The following GRIK2 variants were observed in gnomAD, a reference collection of about 807,000 sequenced individuals.
The protein encoded by GRIK2 is glutamate ionotropic receptor kainate type subunit 2.
Under a neutral mutation model 100.3 loss-of-function variants are expected in GRIK2, and 32 were observed. That is an observed-to-expected ratio of 0.32 (90% CI 0.24 to 0.43). GRIK2 has a LOEUF of 0.43. Among genes scored for constraint, GRIK2 ranks in the 20% least tolerant of loss-of-function variants. The pLI, the probability that GRIK2 is intolerant of heterozygous loss-of-function variation, is 1.00. For missense variants in GRIK2, 843 were observed against 1,114.9 expected (o/e 0.76, Z 3.47); for synonymous variants, 417 against 389.4 (o/e 1.07, Z -0.83).
At chr6:101,858,548 A>G (rs776578284) in intron 10 of GRIK2, among the ~76,000 whole-genome samples, 84 of 145,276 alleles carry the variant, frequency 5.8e-4, no homozygotes, top group Non-Finnish European at 1.1e-3. Context: ...CACTACGCCC[A>G]GCTAATTTTT....
chr6:101,893,716 A>C (rs2128458853), intron 12 of GRIK2, among the ~76,000 whole-genome samples: 1 of 151,850 alleles, frequency 6.6e-6, no homozygotes, highest in East Asian at 1.9e-4. Context: ...ATAAAATATT[A>C]AACATTTATT....
intron 14 of GRIK2, among the ~76,000 whole-genome samples, chr6:102,029,423 A>T (rs1769869587): frequency 6.6e-6 from 1 of 151,288 alleles, no homozygotes; most frequent in Non-Finnish European, 1.5e-5. Context: ...CATATTCAAC[A>T]TAGAAATATT....
intron 10 of GRIK2, among the ~76,000 whole-genome samples, chr6:101,825,552 T>C (rs868267348): frequency 2.0e-4 from 31 of 152,070 alleles, no homozygotes; most frequent in Admixed American, 2.0e-4. Context: ...ACATTCTTTT[T>C]CCTTTGTCCT....
chr6:101,434,105 GA>G (rs1375116535), intron 2 of GRIK2, among the ~76,000 whole-genome samples: 1 of 152,204 alleles, frequency 6.6e-6, no homozygotes, highest in East Asian at 1.9e-4. Context: ...GGGTGTTTTA[GA>G]CACTAACGTG....
intron 10 of GRIK2, among the ~76,000 whole-genome samples, chr6:101,844,163 CTT>C (rs1783676967): frequency 6.6e-6 from 1 of 152,020 alleles, no homozygotes; most frequent in African/African-American, 2.4e-5. Flanking sequence ...AAAACATACT[CTT>C]AGAAAAAATG....
At chr6:101,446,923 G>A (rs1035999190) in intron 2 of GRIK2, among the ~76,000 whole-genome samples, 39 of 147,880 alleles carry the variant, frequency 2.6e-4, no homozygotes, top group Non-Finnish European at 3.6e-4. Flanking sequence ...TACTTTGTAC[G>A]TGTATATATA....
At chr6:101,777,719 T>C (rs1412869868) in intron 7 of GRIK2, among the ~76,000 whole-genome samples, 1 of 152,174 alleles carries the variant, frequency 6.6e-6, no homozygotes, top group Non-Finnish European at 1.5e-5. Flanking sequence ...AAATGGGAAT[T>C]CAGAAATGAG....
At chr6:102,002,861 T>A (rs1007945851) in intron 14 of GRIK2, among the ~76,000 whole-genome samples, 2 of 150,616 alleles carry the variant, frequency 1.3e-5, no homozygotes, top group Non-Finnish European at 3.0e-5. Context: ...TTTAGATATA[T>A]ATATAGATTT....
chr6:101,554,274 G>A (rs1427692161), intron 2 of GRIK2, among the ~76,000 whole-genome samples: 1 of 152,142 alleles, frequency 6.6e-6, no homozygotes, highest in African/African-American at 2.4e-5. Flanking sequence ...AGCTCCTGAA[G>A]TTCGTGTTAG....
chr6:102,005,595 C>A (rs1011891362), intron 14 of GRIK2, among the ~76,000 whole-genome samples: 45 of 152,022 alleles, frequency 3.0e-4, no homozygotes, highest in Admixed American at 2.6e-3. Flanking sequence ...TAAGCTTTAT[C>A]TTTGGTATAT....
At chr6:102,063,847 G>C (rs1771872801) in intron 16 of GRIK2, 1 of 555,382 alleles carries the variant, frequency 1.8e-6, no homozygotes, top group Admixed American at 3.3e-5. Context: ...TCAAGAATTA[G>C]AGATGTGTAA....
intron 9 of GRIK2, among the ~76,000 whole-genome samples, chr6:101,803,254 A>G (rs980413023): frequency 1.3e-5 from 2 of 151,840 alleles, no homozygotes; most frequent in Admixed American, 1.3e-4. Flanking sequence ...TTATTTCTAG[A>G]CAGAAACTGA....
At chr6:101,834,614 AAC>A (rs1448477630) in intron 10 of GRIK2, among the ~76,000 whole-genome samples, 2 of 152,328 alleles carry the variant, frequency 1.3e-5, no homozygotes, top group East Asian at 3.9e-4. Context: ...GATTTCAGAT[AAC>A]AGTTATTTAA....
At chr6:101,891,212 A>G (rs1396129297) in intron 12 of GRIK2, among the ~76,000 whole-genome samples, 1 of 152,016 alleles carries the variant, frequency 6.6e-6, no homozygotes, top group African/African-American at 2.4e-5. Flanking sequence ...AATTGATTTA[A>G]ATCAATTAGA....
At chr6:101,420,864 G>A (rs544284405) in intron 2 of GRIK2, among the ~76,000 whole-genome samples, 179 of 152,244 alleles carry the variant, frequency 1.2e-3, no homozygotes, top group Non-Finnish European at 2.1e-3. Context: ...AGAATGAAAT[G>A]TTTAGAGGCA....
intron 2 of GRIK2, among the ~76,000 whole-genome samples, chr6:101,421,883 A>G (rs1776430189): frequency 6.6e-6 from 1 of 152,220 alleles, no homozygotes; most frequent in Non-Finnish European, 1.5e-5. Context: ...CATTGGTAAC[A>G]TGTTAGAAAA....
At chr6:101,731,719 A>G (rs2128371549) in intron 7 of GRIK2, among the ~76,000 whole-genome samples, 1 of 152,182 alleles carries the variant, frequency 6.6e-6, no homozygotes. Flanking sequence ...AGACACATGT[A>G]TAGACTAGGA....
At chr6:101,457,015 T>G (rs1200003607) in intron 2 of GRIK2, among the ~76,000 whole-genome samples, 1 of 152,148 alleles carries the variant, frequency 6.6e-6, no homozygotes, top group East Asian at 1.9e-4. Context: ...TTATTTTGTT[T>G]AGTTGAATCA....
chr6:101,582,531 T>G (rs921906355), intron 2 of GRIK2, among the ~76,000 whole-genome samples: 1 of 152,138 alleles, frequency 6.6e-6, no homozygotes, highest in African/African-American at 2.4e-5. Flanking sequence ...CTTGCAGAAC[T>G]GTGAGTCAGT....
Sources: gnomAD v4.1 joint callset for allele counts (sites outside exome capture counted in the v4.1 genomes callset) on GRCh38, gnomAD v4.1.1 for gene constraint, MANE v1.5 for transcripts, NCBI Gene and HGNC (gene_info 2026-07-23, HGNC 2026-07-21) for gene names.